LRBA: variants seen among roughly 807,000 people sequenced by gnomAD.
LRBA encodes the protein lipopolysaccharide-responsive and beige-like anchor protein.
LRBA carries 176 observed loss-of-function variants against 330.0 expected under a neutral mutation model. The observed-to-expected ratio is 0.53, with a 90% confidence interval of 0.47 to 0.60. LRBA has a LOEUF of 0.60. Among genes scored for constraint, LRBA ranks in the 20% least tolerant of loss-of-function variants. The probability of loss-of-function intolerance (pLI) is 0.00; values close to 1 mark genes in which losing one functional copy is unlikely to be tolerated. For missense variants in LRBA, 3,259 were observed against 3,444.8 expected (o/e 0.95, Z 1.35); for synonymous variants, 1,230 against 1,193.0 (o/e 1.03, Z -0.64).
intron 56 of LRBA, among the ~76,000 whole-genome samples, chr4:150,268,618 A>AACAT (rs1745668235): frequency 6.6e-6 from 1 of 152,202 alleles, no homozygotes; most frequent in African/African-American, 2.4e-5. Flanking sequence ...ACCAACATAT[A>AACAT]ACATACTACA....
intron 36 of LRBA, among the ~76,000 whole-genome samples, chr4:150,685,888 A>G (rs915822772): frequency 1.3e-4 from 20 of 152,116 alleles, no homozygotes; most frequent in Admixed American, 7.2e-4. Context: ...AATTTCAGGG[A>G]GGGACAAAGC....
At chr4:151,014,947 CAAGT>C in intron 1 of LRBA, 86 bp from the exon 2 acceptor site, 1 of 273,544 alleles carries the variant, frequency 3.7e-6, no homozygotes, top group South Asian at 1.1e-4. Context: ...TATTGTCGGT[CAAGT>C]AAGTTACTAA....
At chr4:150,571,652 T>G (rs1464032300) in intron 40 of LRBA, among the ~76,000 whole-genome samples, 2 of 119,562 alleles carry the variant, frequency 1.7e-5, no homozygotes, top group African/African-American at 8.3e-5. Flanking sequence ...GTTAGTTGTT[T>G]TTTTTTTTTT....
intron 2 of LRBA, among the ~76,000 whole-genome samples, chr4:150,976,116 A>G (rs528658679): frequency 6.0e-4 from 90 of 148,932 alleles, no homozygotes; most frequent in African/African-American, 2.2e-3. Flanking sequence ...CAGAGGTTGC[A>G]GTGAGCCAAG....
At chr4:150,971,507 T>C (rs1739580360) in intron 2 of LRBA, among the ~76,000 whole-genome samples, 1 of 152,152 alleles carries the variant, frequency 6.6e-6, no homozygotes. Context: ...AGAAATTTGA[T>C]AAAAGTTCAA....
At chr4:150,626,589 T>C (rs1007098296) in intron 37 of LRBA, among the ~76,000 whole-genome samples, 2 of 152,120 alleles carry the variant, frequency 1.3e-5, no homozygotes, top group Non-Finnish European at 2.9e-5. Flanking sequence ...GAAGAGACTG[T>C]AGTTTTTATG....
At chr4:151,011,067 G>C (rs1319593834) in intron 2 of LRBA, among the ~76,000 whole-genome samples, 2 of 151,244 alleles carry the variant, frequency 1.3e-5, no homozygotes, top group Non-Finnish European at 2.9e-5. Flanking sequence ...GGCACCTGTA[G>C]TCCCAGCTAC....
At chr4:150,875,621 A>G (rs1753934554) in intron 17 of LRBA, among the ~76,000 whole-genome samples, 1 of 152,238 alleles carries the variant, frequency 6.6e-6, no homozygotes, top group Non-Finnish European at 1.5e-5. Flanking sequence ...GTATAAAGCT[A>G]CAGAAGCAAA....
chr4:150,681,817 TAATG>T (rs1783079129), intron 37 of LRBA, among the ~76,000 whole-genome samples: 1 of 152,194 alleles, frequency 6.6e-6, no homozygotes, highest in African/African-American at 2.4e-5. Flanking sequence ...GTTTCTGGCT[TAATG>T]AATAATAGAG....
intron 42 of LRBA, among the ~76,000 whole-genome samples, chr4:150,483,180 G>A (rs1757488690): frequency 6.6e-6 from 1 of 151,844 alleles, no homozygotes; most frequent in African/African-American, 2.4e-5. Flanking sequence ...GTAAAATTAA[G>A]GGGTGAGGTT....
At chr4:150,888,073 A>G (rs1729133124) in intron 17 of LRBA, among the ~76,000 whole-genome samples, 1 of 152,110 alleles carries the variant, frequency 6.6e-6, no homozygotes, top group Non-Finnish European at 1.5e-5. Context: ...ATAACCACAG[A>G]TTTCTCATTG....
At chr4:150,590,190 G>A (rs955919726) in intron 39 of LRBA, among the ~76,000 whole-genome samples, 2 of 152,092 alleles carry the variant, frequency 1.3e-5, no homozygotes, top group Non-Finnish European at 2.9e-5. Context: ...ATGTAAAACT[G>A]AGAATCTGCA....
chr4:151,007,127 G>C, intron 2 of LRBA, among the ~76,000 whole-genome samples: 1 of 152,198 alleles, frequency 6.6e-6, no homozygotes, highest in East Asian at 1.9e-4. Flanking sequence ...ATTGAGTCCA[G>C]ATAAATCCTT....
intron 5 of LRBA, among the ~76,000 whole-genome samples, chr4:150,917,744 T>C (rs1169290027): frequency 6.6e-6 from 1 of 151,976 alleles, no homozygotes; most frequent in Non-Finnish European, 1.5e-5. Flanking sequence ...CTGGCCAACA[T>C]GGTGAAACCC....
intron 37 of LRBA, among the ~76,000 whole-genome samples, chr4:150,674,386 A>G (rs1782343364): frequency 6.6e-6 from 1 of 151,904 alleles, no homozygotes; most frequent in Non-Finnish European, 1.5e-5. Flanking sequence ...AGTAGCAAAC[A>G]GTAAAGTCTA....
At chr4:150,692,073 G>A (rs1312998676) in intron 36 of LRBA, among the ~76,000 whole-genome samples, 1 of 152,072 alleles carries the variant, frequency 6.6e-6, no homozygotes, top group Non-Finnish European at 1.5e-5. Context: ...AATTCTCTAG[G>A]ATGACAAAAT....
At chr4:150,325,950 A>G in intron 48 of LRBA, 52 bp from the exon 49 acceptor site, 6 of 936,566 alleles carry the variant, frequency 6.4e-6, no homozygotes, top group Non-Finnish European at 1.0e-5. Flanking sequence ...ATTACAGGAA[A>G]TAGAACCCCA....
intron 47 of LRBA, among the ~76,000 whole-genome samples, chr4:150,389,847 C>T (rs936917806): frequency 2.7e-5 from 4 of 150,258 alleles, no homozygotes; most frequent in East Asian, 2.0e-4. Flanking sequence ...TCAGTGTTGT[C>T]GGCAACAAAT....
intron 40 of LRBA, among the ~76,000 whole-genome samples, chr4:150,549,946 T>C (rs902357784): frequency 1.3e-5 from 2 of 152,196 alleles, no homozygotes; most frequent in African/African-American, 4.8e-5. Context: ...ATCCTGGCCA[T>C]AGGTTTCATA....
Sources: allele counts gnomAD v4.1 joint callset (sites outside exome capture counted in the v4.1 genomes callset), GRCh38; gene constraint gnomAD v4.1.1; transcripts MANE v1.5; gene names NCBI Gene and HGNC (gene_info 2026-07-23, HGNC 2026-07-21).